The following GABRG3 variants were observed in gnomAD, a reference collection of about 807,000 sequenced individuals.
The protein encoded by GABRG3 is gamma-aminobutyric acid type A receptor subunit gamma3.
In GABRG3, 25 loss-of-function variants were observed where a neutral mutation model predicts 48.8. The ratio of observed to expected loss-of-function variants is 0.51; its 90% confidence interval spans 0.37 to 0.72. The LOEUF (loss-of-function observed/expected upper bound fraction) is 0.72. Among genes scored for constraint, GABRG3 ranks in the 30% least tolerant of loss-of-function variants. The pLI is 0.00. For synonymous variants in GABRG3, 227 were observed against 217.6 expected (o/e 1.04, Z -0.38); for missense variants, 394 against 577.9 (o/e 0.68, Z 3.26).
At chr15:27,041,874 T>C (rs1398724304) in intron 3 of GABRG3, among the ~76,000 whole-genome samples, 1 of 152,060 alleles carries the variant, frequency 6.6e-6, no homozygotes, top group East Asian at 1.9e-4. Context: ...GGGGAGGACT[T>C]TGCCGTCCCT....
At chr15:27,229,570 G>C (rs779518305) in intron 3 of GABRG3, among the ~76,000 whole-genome samples, 2 of 152,010 alleles carry the variant, frequency 1.3e-5, no homozygotes, top group Non-Finnish European at 2.9e-5. Flanking sequence ...TCTACCTCCC[G>C]GGTTCAAGCA....
At chr15:27,020,498 G>A (rs1895869516) in intron 2 of GABRG3, among the ~76,000 whole-genome samples, 1 of 152,104 alleles carries the variant, frequency 6.6e-6, no homozygotes, top group Non-Finnish European at 1.5e-5. Flanking sequence ...TGCAAGCTCC[G>A]CCTCCTGGGT....
chr15:27,450,295 A>G (rs778256888), intron 5 of GABRG3, among the ~76,000 whole-genome samples: 2 of 152,226 alleles, frequency 1.3e-5, no homozygotes, highest in Non-Finnish European at 2.9e-5. Context: ...CCCGATGAAC[A>G]CAGATGCAAA....
intron 6 of GABRG3, among the ~76,000 whole-genome samples, chr15:27,482,823 A>C (rs1184438142): frequency 6.6e-6 from 1 of 152,206 alleles, no homozygotes; most frequent in African/African-American, 2.4e-5. Context: ...AAGAGATGTG[A>C]AGCCTGCAGG....
chr15:27,014,757 A>T (rs2140669722), intron 2 of GABRG3, among the ~76,000 whole-genome samples: 1 of 152,124 alleles, frequency 6.6e-6, no homozygotes, highest in African/African-American at 2.4e-5. Flanking sequence ...TGTTGGGTGG[A>T]GTGTTCTGAA....
chr15:27,526,163 C>T (rs1200463685), intron 7 of GABRG3, among the ~76,000 whole-genome samples: 1 of 152,074 alleles, frequency 6.6e-6, no homozygotes, highest in Non-Finnish European at 1.5e-5. Flanking sequence ...TGAGAAGGCC[C>T]AGAGCAAGGT....
chr15:26,983,448 T>G (rs1895092182), intron 2 of GABRG3, among the ~76,000 whole-genome samples: 1 of 152,136 alleles, frequency 6.6e-6, no homozygotes, highest in Non-Finnish European at 1.5e-5. Flanking sequence ...TGGTCTAAAT[T>G]AACCTGTTTA....
At chr15:27,070,933 A>G (rs1896816464) in intron 3 of GABRG3, among the ~76,000 whole-genome samples, 1 of 152,170 alleles carries the variant, frequency 6.6e-6, no homozygotes, top group South Asian at 2.1e-4. Context: ...GCAGGTGCAG[A>G]CGGGACTGCG....
At position 27,532,970 on chromosome 15, in the gene GABRG3, A is replaced by C. The variant is rs1448439741; in HGVS notation, c.*89A>C. 1.5e-5 allele frequency: 18 copies of C among 1,233,472 alleles called. No individual in the cohort carries two copies. The highest frequency in any genetic ancestry group is 2.2e-5 in the Admixed American group (1 of 46,016). 76.4% of individuals were successfully genotyped at this position (1,233,472 alleles called of 1,614,324 possible). On this transcript the variant is annotated 3_prime_UTR_variant, in exon 10 of 10. Transcript: ENST00000615808. ...CCAGTAGTGACCAATCGGGAGTAGCAAGGAAGGACACTGCCCAGTGTATCT... is the reference window on the plus strand; with the variant it reads ...CCAGTAGTGACCAATCGGGAGTAGCCAGGAAGGACACTGCCCAGTGTATCT...
At chr15:27,145,161 A>G (rs1400243227) in intron 3 of GABRG3, among the ~76,000 whole-genome samples, 1 of 122,466 alleles carries the variant, frequency 8.2e-6, no homozygotes, top group Non-Finnish European at 1.7e-5. Flanking sequence ...TAAGGAATGA[A>G]CCATATACAG....
intron 3 of GABRG3, among the ~76,000 whole-genome samples, chr15:27,034,781 T>C (rs1455249233): frequency 6.6e-6 from 1 of 152,210 alleles, no homozygotes; most frequent in African/African-American, 2.4e-5. Context: ...AGTGAATGGA[T>C]AACAGTCCTT....
chr15:27,261,635 A>T (rs1890772200), intron 3 of GABRG3, among the ~76,000 whole-genome samples: 1 of 152,040 alleles, frequency 6.6e-6, no homozygotes, highest in East Asian at 1.9e-4. Flanking sequence ...AATATATTTG[A>T]TATTCATCAA....
At chr15:27,027,816 C>T (rs1004409790) in intron 3 of GABRG3, among the ~76,000 whole-genome samples, 2 of 152,192 alleles carry the variant, frequency 1.3e-5, no homozygotes, top group African/African-American at 2.4e-5. Context: ...GTGTAATATT[C>T]CCTTTTCCTG....
chr15:27,065,411 C>T (rs1405213255), intron 3 of GABRG3, among the ~76,000 whole-genome samples: 1 of 152,146 alleles, frequency 6.6e-6, no homozygotes, highest in East Asian at 1.9e-4. Context: ...GGCAGAAATC[C>T]AGGAATGTGT....
intron 3 of GABRG3, among the ~76,000 whole-genome samples, chr15:27,302,616 A>G (rs955347011): frequency 6.6e-6 from 1 of 152,060 alleles, no homozygotes; most frequent in African/African-American, 2.4e-5. Flanking sequence ...TAGAAAAATC[A>G]GTCAGTGCCA....
At chr15:27,028,025 A>G (rs1208142710) in intron 3 of GABRG3, among the ~76,000 whole-genome samples, 1 of 152,232 alleles carries the variant, frequency 6.6e-6, no homozygotes, top group Non-Finnish European at 1.5e-5. Context: ...AGTCAATTGC[A>G]TTTGCATATA....
intron 5 of GABRG3, among the ~76,000 whole-genome samples, chr15:27,427,708 G>T (rs1181491626): frequency 2.0e-5 from 3 of 152,024 alleles, no homozygotes; most frequent in Non-Finnish European, 4.4e-5. Flanking sequence ...ACAAATTCTT[G>T]CAGAACAAAT....
Position 26,977,053 on chromosome 15 carries a change from G to A in GABRG3, c.105G>A (p.Lys35=), listed in dbSNP as rs1212683162. The change falls in exon 2 of 10, where the codon AAG becomes AAA. Residue 35 remains lysine, a synonymous_variant. Transcript: ENST00000615808. ...ATGAAGATTCATCATCAAACCAAAAGTGGGTCTTGGCTCCAAAATCCCAAG... is the reference window on the plus strand; with the variant it reads ...ATGAAGATTCATCATCAAACCAAAAATGGGTCTTGGCTCCAAAATCCCAAG... The part of the protein sequence containing the change: ...DEYEDSSSNQ[K]WVLAPKSQDT... 7 of 1,613,822 alleles carry A rather than the reference G, an allele frequency of 4.3e-6. No homozygotes were observed. The highest frequency in any genetic ancestry group is 5.9e-6 in the Non-Finnish European group (7 of 1,179,870).
chr15:27,054,383 C>A (rs1896505990), intron 3 of GABRG3, among the ~76,000 whole-genome samples: 1 of 152,036 alleles, frequency 6.6e-6, no homozygotes, highest in Non-Finnish European at 1.5e-5. Context: ...ATCCAGGGAA[C>A]AAACCTGCAC....
Sources: gnomAD v4.1 joint callset for allele counts (sites outside exome capture counted in the v4.1 genomes callset) on GRCh38, gnomAD v4.1.1 for gene constraint, MANE v1.5 for transcripts, NCBI Gene and HGNC (gene_info 2026-07-23, HGNC 2026-07-21) for gene names.